Variants in DLC1 observed in about 807,000 individuals in gnomAD.
DLC1 encodes DLC1 Rho GTPase activating protein.
In DLC1, 54 loss-of-function variants were observed where a neutral mutation model predicts 140.3. The ratio of observed to expected loss-of-function variants is 0.38; its 90% CI spans 0.31 to 0.48. The LOEUF (loss-of-function observed/expected upper bound fraction) is 0.48. Among genes scored for constraint, DLC1 ranks in the 20% least tolerant of loss-of-function variants. The probability of loss-of-function intolerance (pLI) is 0.96; values close to 1 mark genes in which losing one functional copy is unlikely to be tolerated. For synonymous variants in DLC1, 986 were observed against 728.1 expected (o/e 1.35, Z -5.70); for missense variants, 2,536 against 1,907.0 (o/e 1.33, Z -6.14).
At chr8:13,215,827 G>A (rs1381628878) in intron 5 of DLC1, among the ~76,000 whole-genome samples, 1 of 152,092 alleles carries the variant, frequency 6.6e-6, no homozygotes, top group African/African-American at 2.4e-5. Context: ...GCATTAGATA[G>A]GACTAGTGCG....
chr8:13,100,162 G>C lies in DLC1; in HGVS notation c.2175C>G (p.Asn725Lys). The C allele has an allele frequency of 6.2e-7, 1 of 1,614,128 alleles. No individual in the cohort carries two copies. The highest frequency in any genetic ancestry group is 1.1e-5 in the South Asian group (1 of 91,080). ...CGCTCCTCTTTCGTACCATGGGGAC[G>C]TTGATGCGGTTGCCATTGAGGGCGG... ...EISALNGNRI[N>K]VPMVRKRSVS... Residue 725 changes from asparagine (N) to lysine (K), a missense_variant, in exon 9 of 18, where the codon AAC becomes AAG. Physicochemically the swap from Asn to Lys is moderately conservative, Grantham distance 94. Coordinates refer to ENST00000276297, the MANE Select transcript of DLC1 (RefSeq NM_182643.3).
intron 14 of DLC1, among the ~76,000 whole-genome samples, chr8:13,090,965 C>T (rs1049714614): frequency 1.3e-5 from 2 of 151,756 alleles, no homozygotes; most frequent in Admixed American, 6.6e-5. Flanking sequence ...CCACCACACC[C>T]GGCTAATTTT....
intron 4 of DLC1, among the ~76,000 whole-genome samples, chr8:13,372,257 C>G (rs530094462): frequency 4.6e-5 from 7 of 152,208 alleles, no homozygotes; most frequent in African/African-American, 1.7e-4. Context: ...TTCTAAAAGT[C>G]TCAGAAAATC....
intron 1 of DLC1, among the ~76,000 whole-genome samples, chr8:13,586,170 A>T (rs1320709248): frequency 6.6e-6 from 1 of 152,160 alleles, no homozygotes; most frequent in Non-Finnish European, 1.5e-5. Flanking sequence ...AAGCTTCTCA[A>T]GTGATTCTAA....
chr8:13,465,800 A>G (rs1799906787), intron 2 of DLC1, among the ~76,000 whole-genome samples: 1 of 151,846 alleles, frequency 6.6e-6, no homozygotes, highest in African/African-American at 2.4e-5. Context: ...TTATTTATGA[A>G]CTCCTTACCA....
rs1056781451 is a variant in DLC1 at position 13,369,225 on chromosome 8, G to A, written c.1314+24328C>T. Among the ~76,000 whole-genome samples, 6 of 152,134 alleles carry A rather than the reference G, an allele frequency of 3.9e-5. No individual in the cohort carries two copies. The South Asian group carries it at 1.0e-3, about 26-fold the overall frequency. The stretch of plus-strand genomic sequence containing the variant: ...AACATGTGCTGTGTCTTAACCTTCT[G>A]TCTCTCTCCTGTCATGCCATAGAGT... On this transcript the variant is annotated intron_variant, in intron 4 of 17. Transcript: ENST00000276297.
intron 2 of DLC1, among the ~76,000 whole-genome samples, chr8:13,491,394 A>T (rs543468101): frequency 6.6e-6 from 1 of 152,158 alleles, no homozygotes; most frequent in African/African-American, 2.4e-5. Context: ...CATTTTTGAT[A>T]TGGACTCCCC....
chr8:13,543,806 AT>A (rs1393381588), intron 1 of DLC1, among the ~76,000 whole-genome samples: 2 of 152,142 alleles, frequency 1.3e-5, no homozygotes, highest in African/African-American at 2.4e-5. Flanking sequence ...ATGCAAAGGC[AT>A]ACAAAGTGGT....
At chr8:13,382,086 A>G (rs1278173727) in intron 4 of DLC1, among the ~76,000 whole-genome samples, 6 of 152,180 alleles carry the variant, frequency 3.9e-5, no homozygotes, top group Non-Finnish European at 5.9e-5. Context: ...AGAGGAAAAA[A>G]TTTAGCAATA....
At chr8:13,265,947 T>C (rs932493300) in intron 5 of DLC1, among the ~76,000 whole-genome samples, 14 of 152,220 alleles carry the variant, frequency 9.2e-5, no homozygotes, top group Admixed American at 2.0e-4. Flanking sequence ...TGCTTTGACA[T>C]AATTATTCTG....
At chr8:13,482,694 G>A (rs1343221972) in intron 2 of DLC1, among the ~76,000 whole-genome samples, 2 of 152,136 alleles carry the variant, frequency 1.3e-5, no homozygotes, top group African/African-American at 4.8e-5. Flanking sequence ...ACGTGATTAC[G>A]CGATTTAATT....
chr8:13,404,526 G>A (rs1485845758), intron 2 of DLC1, among the ~76,000 whole-genome samples: 1 of 152,086 alleles, frequency 6.6e-6, no homozygotes, highest in African/African-American at 2.4e-5. Flanking sequence ...TTATGGTTTA[G>A]TCAACATAAT....
At chr8:13,235,152 A>G (rs953844856) in intron 5 of DLC1, among the ~76,000 whole-genome samples, 3 of 152,032 alleles carry the variant, frequency 2.0e-5, no homozygotes, top group Non-Finnish European at 4.4e-5. Context: ...TTTTATATCT[A>G]TTTAGCTGTG....
At chr8:13,234,852 C>G (rs947164273) in intron 5 of DLC1, among the ~76,000 whole-genome samples, 1 of 151,886 alleles carries the variant, frequency 6.6e-6, no homozygotes, top group African/African-American at 2.4e-5. Flanking sequence ...TCTTAAGAAA[C>G]AAAACAAAAC....
intron 4 of DLC1, among the ~76,000 whole-genome samples, chr8:13,387,951 G>C (rs1389584899): frequency 6.6e-6 from 1 of 152,016 alleles, no homozygotes; most frequent in Admixed American, 6.6e-5. Flanking sequence ...GTCTTTGAAA[G>C]ACTGATGGAG....
intron 4 of DLC1, among the ~76,000 whole-genome samples, chr8:13,315,101 A>G (rs1832816541): frequency 6.6e-6 from 1 of 152,198 alleles, no homozygotes; most frequent in Non-Finnish European, 1.5e-5. Flanking sequence ...GAAGAAGTTT[A>G]TGACACTGAA....
At chr8:13,277,332 A>C (rs1831213707) in intron 5 of DLC1, among the ~76,000 whole-genome samples, 1 of 152,164 alleles carries the variant, frequency 6.6e-6, no homozygotes, top group Non-Finnish European at 1.5e-5. Context: ...TAAAATAAGG[A>C]AATGGACACC....
intron 5 of DLC1, among the ~76,000 whole-genome samples, chr8:13,219,103 T>C (rs1301863304): frequency 8.1e-6 from 1 of 123,718 alleles, no homozygotes; most frequent in Non-Finnish European, 1.6e-5. Flanking sequence ...TGTAATTATA[T>C]AATTATATGT....
At chr8:13,111,319 A>G (rs888821363) in intron 6 of DLC1, among the ~76,000 whole-genome samples, 9 of 152,220 alleles carry the variant, frequency 5.9e-5, no homozygotes, top group Admixed American at 1.3e-4. Flanking sequence ...ACATGGCATC[A>G]AGAGCTAAGG....
Sources: gnomAD v4.1 joint callset for allele counts (sites outside exome capture counted in the v4.1 genomes callset) on GRCh38, gnomAD v4.1.1 for gene constraint, MANE v1.5 for transcripts, NCBI Gene and HGNC (gene_info 2026-07-23, HGNC 2026-07-21) for gene names.